The following GRAMD2B variants were observed in gnomAD, a reference collection of about 807,000 sequenced individuals.
GRAMD2B encodes the protein GRAM domain containing 2B.
A neutral mutation model predicts 59.2 loss-of-function variants in GRAMD2B; 41 were observed. That is an observed-to-expected ratio of 0.69 (90% confidence interval 0.54 to 0.90). GRAMD2B has a LOEUF of 0.90. Ranked by LOEUF, GRAMD2B falls within the 40% of genes least tolerant of loss-of-function variation. The probability of loss-of-function intolerance (pLI) is 0.00; values close to 1 mark genes in which losing one functional copy is unlikely to be tolerated. For missense variants in GRAMD2B, 424 were observed against 500.5 expected, an observed-to-expected ratio of 0.85 and a Z score of 1.46; for synonymous variants, 161 against 182.7, an observed-to-expected ratio of 0.88 and a Z score of 0.96.
upstream of GRAMD2B, among the ~76,000 whole-genome samples, chr5:126,367,136 C>T (rs1417556627): frequency 1.1e-4 from 16 of 151,300 alleles, no homozygotes; most frequent in Admixed American, 9.9e-4. Flanking sequence ...GGATTACAGG[C>T]GTGAGGCACC....
intron 1 of GRAMD2B, among the ~76,000 whole-genome samples, chr5:126,439,175 A>G (rs1294173745): frequency 2.0e-5 from 3 of 152,282 alleles, no homozygotes; most frequent in South Asian, 4.1e-4. Flanking sequence ...GAAGTATGTC[A>G]GAGGTTGAAT....
At chr5:126,379,245 T>C (rs1374412309) in intron 1 of GRAMD2B, among the ~76,000 whole-genome samples, 1 of 152,222 alleles carries the variant, frequency 6.6e-6, no homozygotes, top group Non-Finnish European at 1.5e-5. Context: ...TCATTCCTTT[T>C]TGTGGCTGAG....
intron 4 of GRAMD2B, 89 bp downstream of exon 4, chr5:126,472,393 C>CT: frequency 1.0e-6 from 1 of 961,204 alleles, no homozygotes. Flanking sequence ...AGTCCATGGA[C>CT]TGAGTCACCA....
intron 9 of GRAMD2B, 162 bp from the exon 10 acceptor site, chr5:126,484,240 T>C: frequency 1.4e-6 from 1 of 690,208 alleles, no homozygotes; most frequent in East Asian, 2.8e-5. Flanking sequence ...CTTATTTGCT[T>C]AAGCATTCAA....
intron 13 of GRAMD2B, among the ~76,000 whole-genome samples, chr5:126,492,223 A>T (rs974423117): frequency 6.6e-6 from 1 of 150,894 alleles, no homozygotes. Flanking sequence ...AAACATTATT[A>T]TGTGGGATTT....
At chr5:126,428,573 T>C (rs1026879594) in intron 1 of GRAMD2B, among the ~76,000 whole-genome samples, 4 of 152,208 alleles carry the variant, frequency 2.6e-5, no homozygotes, top group Non-Finnish European at 5.9e-5. Context: ...ATGCAGGCTC[T>C]AGGAAACTAG....
At chr5:126,412,987 A>G (rs568038378) in intron 1 of GRAMD2B, among the ~76,000 whole-genome samples, 5 of 151,690 alleles carry the variant, frequency 3.3e-5, no homozygotes, top group Non-Finnish European at 7.4e-5. Context: ...GCTTATTTAG[A>G]TCTTCTCTCT....
rs181682144 is a variant in GRAMD2B at position 126,469,576 on chromosome 5, A to T, written c.204-101A>T. Reference sequence around the variant, plus strand: ...CTTGAGTCCTGGACGGGGAGGTTGCAGTGAACCGTGATCATGCTGCTGCAC... The same window carrying T: ...CTTGAGTCCTGGACGGGGAGGTTGCTGTGAACCGTGATCATGCTGCTGCAC... On this transcript the variant is annotated intron_variant, in intron 2 of 13. Transcript: ENST00000285689. 2.6e-4 allele frequency: 199 copies of T among 759,798 alleles called. No homozygotes were observed. In the East Asian group the frequency reaches 2.7e-3, roughly 10 times the overall value. The allele number at this position is 759,798 out of a possible 1,614,324, so 47.1% of individuals were successfully genotyped here. A position where few individuals can be genotyped will look rare whatever the true frequency, so the allele number is the denominator to read the frequency against.
At chr5:126,442,621 T>C (rs1405581576) in intron 1 of GRAMD2B, among the ~76,000 whole-genome samples, 1 of 152,156 alleles carries the variant, frequency 6.6e-6, no homozygotes, top group African/African-American at 2.4e-5. Flanking sequence ...TGTATTTACA[T>C]GTATGCATTA....
chr5:126,455,404 T>G (rs1217416207), intron 1 of GRAMD2B, among the ~76,000 whole-genome samples: 1 of 152,222 alleles, frequency 6.6e-6, no homozygotes, highest in Non-Finnish European at 1.5e-5. Flanking sequence ...AATTTCTGCT[T>G]CTTCCTGCTG....
chr5:126,360,217 A>G, exon 1 of GRAMD2B: 1 of 1,240,796 alleles, frequency 8.1e-7, no homozygotes, highest in Non-Finnish European at 1.1e-6. Context: ...AGCACTTGTG[A>G]GCGAAAAGCA....
chr5:126,491,194 G>A (rs1773862667), intron 13 of GRAMD2B, among the ~76,000 whole-genome samples: 1 of 152,140 alleles, frequency 6.6e-6, no homozygotes, highest in Admixed American at 6.5e-5. Flanking sequence ...GGTGTGTTTT[G>A]TGGATTTGGG....
intron 1 of GRAMD2B, among the ~76,000 whole-genome samples, chr5:126,426,264 G>A (rs1170519188): frequency 1.3e-5 from 2 of 152,098 alleles, no homozygotes; most frequent in African/African-American, 4.8e-5. Context: ...ATCCCCTTCT[G>A]TCTTCACTTT....
chr5:126,470,479 G>A lies in GRAMD2B; in HGVS notation c.315+691G>A, dbSNP rs552199747. ...CTTTTGAATTTCCATAGTAGTCCCAGTAATAAATATCCTTTATAAAGGTGT... is the reference window on the plus strand; with the variant it reads ...CTTTTGAATTTCCATAGTAGTCCCAATAATAAATATCCTTTATAAAGGTGT... On this transcript the variant is annotated intron_variant, in intron 3 of 13. Transcript: ENST00000285689. Among the ~76,000 whole-genome samples, 83 of 152,228 alleles carry A rather than the reference G, an allele frequency of 5.5e-4. No individual in the cohort carries two copies. In the Middle Eastern group the frequency reaches 0.01, roughly 19 times the overall value.
chr5:126,481,203 AAAAGAAAGAAAGAAAGAAAGAAAGAAAG>A (rs199869481), intron 8 of GRAMD2B, among the ~76,000 whole-genome samples: 1,774 of 80,090 alleles, frequency 0.022, 69 homozygotes, highest in African/African-American at 0.1. Context: ...AAAAAAAAAA[AAAAGAAAGAAAGAAAGAAAGAAAGAAAG>A]AAAGAAAGAA....
chr5:126,375,102 T>C (rs1304415490), intron 1 of GRAMD2B, among the ~76,000 whole-genome samples: 1 of 152,208 alleles, frequency 6.6e-6, no homozygotes, highest in Non-Finnish European at 1.5e-5. Flanking sequence ...AGTTTTAGAA[T>C]ATTCTGCATA....
chr5:126,471,259 A>T (rs961917400), intron 3 of GRAMD2B, among the ~76,000 whole-genome samples: 5 of 152,132 alleles, frequency 3.3e-5, no homozygotes, highest in African/African-American at 9.7e-5. Context: ...CTGTGGAGGG[A>T]GGATCGAGTT....
intron 1 of GRAMD2B, among the ~76,000 whole-genome samples, chr5:126,428,318 T>A (rs1700588502): frequency 6.6e-6 from 1 of 152,144 alleles, no homozygotes; most frequent in East Asian, 1.9e-4. Flanking sequence ...ATATGGGCCT[T>A]CAATATATGA....
At chr5:126,460,114 G>A (rs976170441) in intron 1 of GRAMD2B, among the ~76,000 whole-genome samples, 10 of 152,018 alleles carry the variant, frequency 6.6e-5, no homozygotes, top group Non-Finnish European at 1.3e-4. Flanking sequence ...GGTACTGAAA[G>A]AACACCAAGA....
Sources: gnomAD v4.1 joint callset for allele counts (sites outside exome capture counted in the v4.1 genomes callset) on GRCh38, gnomAD v4.1.1 for gene constraint, MANE v1.5 for transcripts, NCBI Gene and HGNC (gene_info 2026-07-23, HGNC 2026-07-21) for gene names.